OPCML: variants seen among roughly 807,000 people sequenced by gnomAD.
The protein encoded by OPCML is opioid-binding protein/cell adhesion molecule.
A neutral mutation model predicts 37.8 loss-of-function variants in OPCML; 13 were observed. That is an observed-to-expected ratio of 0.34 (90% CI 0.22 to 0.55). The LOEUF (loss-of-function observed/expected upper bound fraction) is 0.55, where lower values mean the gene tolerates loss of function less well. Ranked by LOEUF, OPCML falls within the 20% of genes least tolerant of loss-of-function variation. The pLI is 0.91. For synonymous variants in OPCML, 176 were observed against 168.8 expected, an observed-to-expected ratio of 1.04 and a Z score of -0.33; for missense variants, 341 against 435.6, an observed-to-expected ratio of 0.78 and a Z score of 1.93.
At chr11:132,827,806 A>AATTTT (rs1003394930) in intron 2 of OPCML, among the ~76,000 whole-genome samples, 8 of 112,274 alleles carry the variant, frequency 7.1e-5, no homozygotes, top group African/African-American at 2.3e-4. Context: ...CGCCTGGCTG[A>AATTTT]ATTTTTTTTT....
At chr11:133,385,919 T>A (rs1305559297) in intron 1 of OPCML, among the ~76,000 whole-genome samples, 6 of 151,812 alleles carry the variant, frequency 4.0e-5, no homozygotes, top group African/African-American at 1.4e-4. Context: ...TTTCTCTTTT[T>A]TTCTCTCTAA....
At chr11:133,074,988 C>T (rs1026100485) in intron 1 of OPCML, among the ~76,000 whole-genome samples, 3 of 152,102 alleles carry the variant, frequency 2.0e-5, no homozygotes, top group Non-Finnish European at 2.9e-5. Flanking sequence ...CAGGAAGTGG[C>T]ACCTAGGGCA....
intron 1 of OPCML, among the ~76,000 whole-genome samples, chr11:133,250,426 A>AGAAG (rs530929844): frequency 1.2e-3 from 185 of 148,266 alleles, no homozygotes; most frequent in African/African-American, 4.3e-3. Context: ...AAGGAAGGAA[A>AGAAG]GAAGGAAGGA....
chr11:132,582,158 G>A, intron 3 of OPCML, among the ~76,000 whole-genome samples: 1 of 151,292 alleles, frequency 6.6e-6, no homozygotes, highest in Non-Finnish European at 1.5e-5. Flanking sequence ...GTGAAACAGA[G>A]AGAGAGAGTG....
At chr11:132,550,258 T>C (rs932398933) in intron 3 of OPCML, among the ~76,000 whole-genome samples, 3 of 152,204 alleles carry the variant, frequency 2.0e-5, no homozygotes, top group Non-Finnish European at 4.4e-5. Flanking sequence ...CCAAATCTCA[T>C]GTTGAATTGT....
chr11:133,140,577 A>AAGAAGAAGAAGAAGAAAG (rs748209202), intron 1 of OPCML, among the ~76,000 whole-genome samples: 1 of 85,026 alleles, frequency 1.2e-5, no homozygotes, highest in Non-Finnish European at 2.7e-5. Context: ...GAAGAAGAAG[A>AAGAAGAAGAAGAAGAAAG]AAGAAGAAAA....
At position 132,478,639 on chromosome 11, in the gene OPCML, T is replaced by C. The variant is rs181783488; in HGVS notation, c.506-41280A>G. Among the ~76,000 whole-genome samples the C allele has an allele frequency of 1.2e-3, 176 of 152,362 alleles. 2 individuals are homozygous for C. Among genetic ancestry groups the C allele is most frequent in the Admixed American group, 1.5e-3 (23 of 15,302 alleles). ...ACATGGTGAGTGAATCCTTTCCACT[T>C]ACCATTTAATGACTTGTTAAATAAT... On this transcript the variant is annotated intron_variant, in intron 4 of 7. Coordinates refer to ENST00000524381, the MANE Select transcript of OPCML (RefSeq NM_001012393.5).
intron 2 of OPCML, among the ~76,000 whole-genome samples, chr11:132,932,052 C>T (rs2136633815): frequency 6.6e-6 from 1 of 152,222 alleles, no homozygotes; most frequent in African/African-American, 2.4e-5. Flanking sequence ...TACCAATTAT[C>T]TGAGGTACCT....
chr11:133,523,974 C>T (rs910341416), intron 1 of OPCML, among the ~76,000 whole-genome samples: 4 of 152,318 alleles, frequency 2.6e-5, no homozygotes, highest in South Asian at 4.1e-4. Flanking sequence ...AGTTTCATGT[C>T]GGTCATGATT....
At chr11:132,884,654 G>A (rs1027468347) in intron 2 of OPCML, among the ~76,000 whole-genome samples, 1 of 152,188 alleles carries the variant, frequency 6.6e-6, no homozygotes, top group Non-Finnish European at 1.5e-5. Context: ...GAAAACTGTT[G>A]ACAGCTATTA....
At chr11:133,411,429 A>G (rs962674247) in intron 1 of OPCML, among the ~76,000 whole-genome samples, 1 of 152,184 alleles carries the variant, frequency 6.6e-6, no homozygotes, top group Non-Finnish European at 1.5e-5. Context: ...GAAGAGGGCC[A>G]GGCCCAGGGA....
intron 1 of OPCML, among the ~76,000 whole-genome samples, chr11:133,039,772 G>C (rs1333354061): frequency 6.6e-6 from 1 of 152,116 alleles, no homozygotes; most frequent in Admixed American, 6.6e-5. Flanking sequence ...GTGAAAGATT[G>C]GGGGAGGACA....
At chr11:132,820,497 G>GTGTGT (rs763790501) in intron 2 of OPCML, among the ~76,000 whole-genome samples, 31 of 151,874 alleles carry the variant, frequency 2.0e-4, no homozygotes, top group African/African-American at 5.8e-4. Flanking sequence ...ATATATATGT[G>GTGTGT]GTGTGTGTGT....
chr11:132,447,527 C>G (rs2136821709), intron 4 of OPCML, among the ~76,000 whole-genome samples: 1 of 149,990 alleles, frequency 6.7e-6, no homozygotes, highest in African/African-American at 2.5e-5. Flanking sequence ...CCAGGCTGGT[C>G]TCGAACTCCT....
At position 133,140,982 on chromosome 11, in the gene OPCML, AGAAGAAGAAGAAGAAGACGACGAC is replaced by A. The variant is rs1217714124; in HGVS notation, c.62-197996_62-197973del. On this transcript the variant is annotated intron_variant, in intron 1 of 7. Coordinates refer to ENST00000524381, the MANE Select transcript of OPCML (RefSeq NM_001012393.5). Reference sequence around the variant, plus strand: ...AAGAAGAAGAAGAAGAAGAAGAAGAAGAAGAAGAAGAAGAAGACGACGACGACGACGACGACGACGACGACGACG... The same window carrying A: ...AAGAAGAAGAAGAAGAAGAAGAAGAAGACGACGACGACGACGACGACGACG... 5.0e-4 allele frequency among the ~76,000 whole-genome samples: 2 copies of A among 4,032 alleles called. 1 individual carries two copies. Among genetic ancestry groups the A allele is most frequent in the African/African-American group, 8.3e-4 (2 of 2,410 alleles). The allele number at this position is 4,032 out of a possible 152,430, so 2.6% of individuals were successfully genotyped here.
chr11:132,581,841 G>A (rs1186489831), intron 3 of OPCML, among the ~76,000 whole-genome samples: 2 of 151,992 alleles, frequency 1.3e-5, no homozygotes, highest in African/African-American at 4.8e-5. Flanking sequence ...GGAAGCCCCA[G>A]TGTATTATCT....
chr11:133,418,536 T>C (rs1945815643), intron 1 of OPCML: 2 of 844,740 alleles, frequency 2.4e-6, no homozygotes, highest in Non-Finnish European at 1.4e-6. Flanking sequence ...AGGAGAAACC[T>C]GACATAGTTG....
At chr11:133,312,738 T>C (rs1943094724) in intron 1 of OPCML, among the ~76,000 whole-genome samples, 1 of 152,166 alleles carries the variant, frequency 6.6e-6, no homozygotes, top group African/African-American at 2.4e-5. Context: ...AAAATAGAGT[T>C]TTTTAAAAAG....
intron 1 of OPCML, among the ~76,000 whole-genome samples, chr11:133,501,088 C>T (rs911019251): frequency 2.6e-5 from 4 of 152,242 alleles, no homozygotes; most frequent in East Asian, 1.9e-4. Flanking sequence ...TGCTGGGGAG[C>T]TCCAATCTCC....
Sources: allele counts gnomAD v4.1 joint callset (sites outside exome capture counted in the v4.1 genomes callset), GRCh38; gene constraint gnomAD v4.1.1; transcripts MANE v1.5; gene names NCBI Gene and HGNC (gene_info 2026-07-23, HGNC 2026-07-21).